CENPT: variants seen among roughly 807,000 people sequenced by gnomAD.
CENPT encodes centromere protein T.
In CENPT, 42 loss-of-function variants were observed where a neutral mutation model predicts 59.7. The ratio of observed to expected loss-of-function variants is 0.70; its 90% CI spans 0.55 to 0.91. CENPT has a LOEUF of 0.91. Among genes scored for constraint, CENPT ranks in the 40% least tolerant of loss-of-function variants. The probability of loss-of-function intolerance (pLI) is 0.00; values close to 1 mark genes in which losing one functional copy is unlikely to be tolerated. For missense variants in CENPT, 716 were observed against 713.4 expected, an observed-to-expected ratio of 1.00 and a Z score of -0.04; for synonymous variants, 295 against 289.6, an observed-to-expected ratio of 1.02 and a Z score of -0.19.
intron 1 of CENPT, chr16:67,846,674 C>G (rs975902463): frequency 1.3e-5 from 2 of 152,448 alleles, no homozygotes; most frequent in Admixed American, 1.3e-4. Context: ...GAGCCCTGAC[C>G]CTAGCCTGGC....
At chr16:67,831,461 C>T in intron 9 of CENPT, 103 bp from the exon 10 acceptor site, 1 of 1,569,666 alleles carries the variant, frequency 6.4e-7, no homozygotes, top group Non-Finnish European at 8.7e-7. Context: ...AGAACAGATG[C>T]TGTGAGGCTA....
chr16:67,840,196 T>C (rs1394056251), intron 1 of CENPT, among the ~76,000 whole-genome samples: 1 of 152,064 alleles, frequency 6.6e-6, no homozygotes, highest in Non-Finnish European at 1.5e-5. Flanking sequence ...CGGGCGCTTG[T>C]AGTCCCAGCT....
In CENPT at chr16:67,842,650, G is replaced by A; in HGVS notation, c.-492+4751C>T. 6.4e-7 allele frequency: 1 copy of A among 1,558,328 alleles called. No homozygotes were observed. Among genetic ancestry groups the A allele is most frequent in the South Asian group, 1.2e-5 (1 of 85,132 alleles). On this transcript the variant is annotated intron_variant, in intron 1 of 15. Transcript: ENST00000562787. This position sits in a 1 kb window ranked among gnomAD's most constrained non-coding sequence, Gnocchi z 4.9. ...ACACGTTTCCAAAGGACGCTGAGTTGCGGCGCCTCTGGCTCAAGAACGTGT... is the reference window on the plus strand; with the variant it reads ...ACACGTTTCCAAAGGACGCTGAGTTACGGCGCCTCTGGCTCAAGAACGTGT...
At position 67,842,853 on chromosome 16, in the gene CENPT, C is replaced by G; in HGVS notation, c.-492+4548G>C. On this transcript the variant is annotated intron_variant, in intron 1 of 15. Transcript: ENST00000562787. The surrounding 1 kb of genome is among the most constrained non-coding windows in gnomAD (Gnocchi z 4.9). The stretch of plus-strand genomic sequence containing the variant: ...CGCAGACCCGCTGGGGCCGCGGCCG[C>G]CCGCCGCAGGCAGCAGCAGCAACAG... 1.2e-6 allele frequency: 2 copies of G among 1,607,904 alleles called. No individual in the cohort carries two copies. The highest frequency in any genetic ancestry group is 2.2e-5 in the South Asian group (2 of 90,960).
At chr16:67,831,660 T>C (rs1473303512) in intron 8 of CENPT, 48 bp from the exon 9 acceptor site, 2 of 1,612,248 alleles carry the variant, frequency 1.2e-6, no homozygotes, top group South Asian at 2.2e-5. Flanking sequence ...CCATGGTAAG[T>C]GATCCAGGCC....
rs776500789 is a variant in CENPT at position 67,832,407 on chromosome 16, TC to T, written c.201+47del. 2.5e-5 allele frequency: 40 copies of T among 1,608,260 alleles called. No homozygotes were observed. In the East Asian group the frequency reaches 6.2e-4, roughly 25 times the overall value. On this transcript the variant is annotated intron_variant, in intron 5 of 15. Transcript: ENST00000562787. ...GAGCAGAGCTAGACCTCAACCCCCC[TC>T]CCCGAGGCAGCCAGGGCCCTTTGGG...
Position 67,833,736 on chromosome 16 carries a change from GC to G in CENPT, c.110+13del. ...CTCTAGTTGCTCAAGTACTCGGGGAGCCCCCTCACATACCCAGCCCGAGCAC... is the reference window on the plus strand; with the variant it reads ...CTCTAGTTGCTCAAGTACTCGGGGAGCCCCTCACATACCCAGCCCGAGCAC... On this transcript the variant is annotated intron_variant, in intron 4 of 15. Transcript: ENST00000562787. 1 of 1,477,526 alleles carries G rather than the reference GC, an allele frequency of 6.8e-7. No individual in the cohort carries two copies. Among genetic ancestry groups the G allele is most frequent in the Admixed American group, 2.4e-5 (1 of 40,920 alleles). The allele number at this position is 1,477,526 out of a possible 1,614,324, so 91.5% of individuals were successfully genotyped here.
intron 1 of CENPT, among the ~76,000 whole-genome samples, chr16:67,846,458 G>A (rs1005995544): frequency 1.3e-5 from 2 of 152,266 alleles, no homozygotes; most frequent in African/African-American, 4.8e-5. Flanking sequence ...CGCCCGGGCT[G>A]GTTAAGGCCA....
At chr16:67,847,364 T>C (rs1262910749) in intron 1 of CENPT, 37 bp downstream of exon 1, 1 of 152,424 alleles carries the variant, frequency 6.6e-6, no homozygotes, top group Non-Finnish European at 1.5e-5. Flanking sequence ...GCAGGCTGGC[T>C]AGCGGGCAGA....
intron 11 of CENPT, 42 bp downstream of exon 11, chr16:67,830,348 C>A: frequency 6.3e-7 from 1 of 1,579,636 alleles, no homozygotes; most frequent in Non-Finnish European, 8.6e-7. Flanking sequence ...AACTCTCACC[C>A]AAGCTAAATT....
intron 1 of CENPT, among the ~76,000 whole-genome samples, chr16:67,840,121 C>A (rs541679509): frequency 6.6e-6 from 1 of 151,970 alleles, no homozygotes; most frequent in East Asian, 1.9e-4. Flanking sequence ...TCGAGACCAT[C>A]CTGGCTAACA....
chr16:67,844,778 C>T (rs1221309169), intron 1 of CENPT, among the ~76,000 whole-genome samples: 1 of 144,960 alleles, frequency 6.9e-6, no homozygotes, highest in East Asian at 1.9e-4. Flanking sequence ...GGCTGCCTGC[C>T]TCTATTTTTT....
chr16:67,845,992 C>G (rs758116357), intron 1 of CENPT, among the ~76,000 whole-genome samples: 13 of 152,178 alleles, frequency 8.5e-5, no homozygotes, highest in Non-Finnish European at 1.9e-4. Context: ...CCTGGAGAGG[C>G]CTTGTAGCCA....
At chr16:67,846,109 A>G (rs2151290907) in intron 1 of CENPT, among the ~76,000 whole-genome samples, 1 of 152,360 alleles carries the variant, frequency 6.6e-6, no homozygotes, top group South Asian at 2.1e-4. Flanking sequence ...CAAGAAAACA[A>G]ATGGGCGTTG....
At position 67,842,900 on chromosome 16, in the gene CENPT, C is replaced by G; in HGVS notation, c.-492+4501G>C. ...ACAGCAGCAGCAGCAGCAACAGCAG[C>G]AACAGCAGCAGCAGCAGCAACAGCA... On this transcript the variant is annotated intron_variant, in intron 1 of 15. Transcript: ENST00000562787. The surrounding 1 kb of genome is among the most constrained non-coding windows in gnomAD (Gnocchi z 4.9). 6.3e-7 allele frequency: 1 copy of G among 1,582,850 alleles called. No homozygotes were observed. Among genetic ancestry groups the G allele is most frequent in the Non-Finnish European group, 8.6e-7 (1 of 1,165,408 alleles).
intron 5 of CENPT, 48 bp downstream of exon 5, chr16:67,832,406 CT>C: frequency 6.2e-7 from 1 of 1,609,460 alleles, no homozygotes; most frequent in Non-Finnish European, 8.5e-7. Context: ...CTCAACCCCC[CT>C]CCCCGAGGCA....
At position 67,829,378 on chromosome 16, in the gene CENPT, T is replaced by C. The variant is rs757727659; in HGVS notation, c.1280+45A>G. On this transcript the variant is annotated intron_variant, in intron 13 of 15. Transcript: ENST00000562787. ...CCTATGTACACAGCATACCCAATGC[T>C]CCCTTCCCAAGAGGCCCATGAGGAA... 30 of 1,474,754 alleles carry C rather than the reference T, an allele frequency of 2.0e-5. 1 individual carries two copies. In the East Asian group the frequency reaches 6.7e-4, roughly 33 times the overall value. 91.4% of individuals were successfully genotyped at this position (1,474,754 alleles called of 1,614,324 possible). A position where few individuals can be genotyped will look rare whatever the true frequency, so the allele number is the denominator to read the frequency against.
Position 67,842,923 on chromosome 16 carries a change from G to GCAGCAGCAGCAA in CENPT, c.-492+4477_-492+4478insTTGCTGCTGCTG, listed in dbSNP as rs1555494456. 17 of 705,544 alleles carry GCAGCAGCAGCAA rather than the reference G, an allele frequency of 2.4e-5. No individual in the cohort carries two copies. The highest frequency in any genetic ancestry group is 4.2e-4 in the Middle Eastern group (1 of 2,390). 43.7% of individuals were successfully genotyped at this position (705,544 alleles called of 1,614,324 possible). On this transcript the variant is annotated intron_variant, in intron 1 of 15. Transcript: ENST00000562787. The surrounding 1 kb of genome is among the most constrained non-coding windows in gnomAD (Gnocchi z 4.9). The stretch of plus-strand genomic sequence containing the variant: ...AGCAACAGCAGCAGCAGCAGCAACA[G>GCAGCAGCAGCAA]CAGCAGCAGCAGCAGCAGCAGCAGC...
In CENPT at chr16:67,832,556, AC is replaced by A; in HGVS notation, c.111-12del. The A allele has an allele frequency of 6.2e-7, 1 of 1,610,114 alleles. No individual in the cohort carries two copies. Among genetic ancestry groups the A allele is most frequent in the Non-Finnish European group, 8.5e-7 (1 of 1,176,626 alleles). On this transcript the variant is annotated splice_polypyrimidine_tract_variant and intron_variant, in intron 4 of 15. Transcript: ENST00000562787. ...AGGGCTCTCCGGGCTCTGTGTAAAG[AC>A]CAGCAATTATGCCGAGAATTACGGT...
Sources: allele counts gnomAD v4.1 joint callset (sites outside exome capture counted in the v4.1 genomes callset), GRCh38; gene constraint gnomAD v4.1.1; non-coding constraint Gnocchi (gnomAD v3.1); transcripts MANE v1.5; gene names NCBI Gene and HGNC (gene_info 2026-07-23, HGNC 2026-07-21).